Variants in RBFOX1 observed in about 807,000 individuals in gnomAD.
RBFOX1 encodes the protein RNA binding fox-1 homolog 1.
RBFOX1 carries 8 observed loss-of-function variants against 57.7 expected under a neutral mutation model. The observed-to-expected ratio is 0.14, with a 90% CI of 0.08 to 0.25. The LOEUF (loss-of-function observed/expected upper bound fraction) is 0.25. Ranked by LOEUF, RBFOX1 falls within the 10% of genes least tolerant of loss-of-function variation. RBFOX1 has a pLI of 1.00. For synonymous variants in RBFOX1, 326 were observed against 222.4 expected, an observed-to-expected ratio of 1.47 and a Z score of -4.15; for missense variants, 611 against 548.5, an observed-to-expected ratio of 1.11 and a Z score of -1.14.
At chr16:6,324,403 G>A (rs887231337) in intron 2 of RBFOX1, among the ~76,000 whole-genome samples, 2 of 152,296 alleles carry the variant, frequency 1.3e-5, no homozygotes, top group African/African-American at 2.4e-5. Context: ...CAGAGCCACA[G>A]GCTGTACAGG....
chr16:6,355,289 C>T (rs955339344), intron 2 of RBFOX1, among the ~76,000 whole-genome samples: 2 of 152,114 alleles, frequency 1.3e-5, no homozygotes, highest in Non-Finnish European at 2.9e-5. Context: ...CCCCCAGCCC[C>T]CCAGCCCCTA....
chr16:6,541,388 T>C (rs544880683), intron 2 of RBFOX1, among the ~76,000 whole-genome samples: 1 of 152,294 alleles, frequency 6.6e-6, no homozygotes, highest in Non-Finnish European at 1.5e-5. Context: ...AAACAGAGGT[T>C]ATGGCAGTGA....
At chr16:7,446,903 C>G (rs62015753) in intron 4 of RBFOX1, among the ~76,000 whole-genome samples, 2 of 142,354 alleles carry the variant, frequency 1.4e-5, no homozygotes, top group African/African-American at 5.2e-5. Context: ...AACTCCACCT[C>G]CTGGGTTCAC....
chr16:6,107,230 G>T (rs1252116633), intron 1 of RBFOX1, among the ~76,000 whole-genome samples: 1 of 151,910 alleles, frequency 6.6e-6, no homozygotes, highest in East Asian at 1.9e-4. Context: ...TCATGGCCTG[G>T]TGACCCCCTA....
intron 3 of RBFOX1, among the ~76,000 whole-genome samples, chr16:6,765,548 G>T (rs973585916): frequency 5.9e-5 from 9 of 152,112 alleles, no homozygotes; most frequent in South Asian, 2.1e-4. Flanking sequence ...GAATGCTGGT[G>T]GGAATGTAAA....
chr16:5,245,107 G>A (rs2062264014), intron 1 of RBFOX1, among the ~76,000 whole-genome samples: 1 of 152,196 alleles, frequency 6.6e-6, no homozygotes, highest in Non-Finnish European at 1.5e-5. Flanking sequence ...CAGAACTCAA[G>A]GTACAGGATG....
At chr16:6,661,612 A>G (rs958247466) in intron 3 of RBFOX1, among the ~76,000 whole-genome samples, 64 of 152,288 alleles carry the variant, frequency 4.2e-4, no homozygotes, top group African/African-American at 1.5e-3. Flanking sequence ...CAGCAGGGGA[A>G]TAAGAACTGG....
Position 7,413,955 on chromosome 16 carries a change from A to T in RBFOX1, c.28-104192A>T, listed in dbSNP as rs9940168. Reference sequence around the variant, plus strand: ...AACAGCTCATTAGTAATTACTTTCCAAACTCCAAGGAGATGGTTCTCAGAT... The same window carrying T: ...AACAGCTCATTAGTAATTACTTTCCTAACTCCAAGGAGATGGTTCTCAGAT... On this transcript the variant is annotated intron_variant, in intron 4 of 15. Coordinates refer to ENST00000550418, the MANE Select transcript of RBFOX1 (RefSeq NM_018723.4). Among the ~76,000 whole-genome samples, 1,426 of 152,256 alleles carry T rather than the reference A, an allele frequency of 9.4e-3. 20 individuals are homozygous for T. Among genetic ancestry groups the T allele is most frequent in the African/African-American group, 0.031 (1,297 of 41,528 alleles).
At chr16:6,183,404 C>G (rs1361716252) in intron 1 of RBFOX1, among the ~76,000 whole-genome samples, 1 of 151,622 alleles carries the variant, frequency 6.6e-6, no homozygotes, top group Non-Finnish European at 1.5e-5. Context: ...AGCTTGAACT[C>G]GGGAGGTGGA....
At chr16:7,489,604 C>T (rs1184109221) in intron 4 of RBFOX1, among the ~76,000 whole-genome samples, 1 of 152,074 alleles carries the variant, frequency 6.6e-6, no homozygotes, top group African/African-American at 2.4e-5. Flanking sequence ...CAGCCTCGAA[C>T]TCCCGGACTC....
At chr16:5,689,183 A>T (rs996413947) in intron 3 of RBFOX1, among the ~76,000 whole-genome samples, 1 of 152,224 alleles carries the variant, frequency 6.6e-6, no homozygotes, top group Admixed American at 6.5e-5. Flanking sequence ...GAGGGCAGCC[A>T]CACAGGTGGT....
chr16:7,402,242 G>A (rs7195841), intron 4 of RBFOX1, among the ~76,000 whole-genome samples: 100,820 of 152,060 alleles, frequency 0.66, 33,661 homozygotes, highest in Admixed American at 0.74. Context: ...ACCTGTAAGG[G>A]AGGGTCAACT....
At chr16:5,710,547 A>G (rs2051447366) in intron 3 of RBFOX1, among the ~76,000 whole-genome samples, 1 of 152,170 alleles carries the variant, frequency 6.6e-6, no homozygotes. Flanking sequence ...GGTTCTCTCA[A>G]GGCAGCTTCC....
At chr16:5,871,903 T>C (rs998204622) in intron 4 of RBFOX1, among the ~76,000 whole-genome samples, 1 of 152,200 alleles carries the variant, frequency 6.6e-6, no homozygotes, top group Non-Finnish European at 1.5e-5. Flanking sequence ...ATATTACAGC[T>C]CTGCTATCCC....
At chr16:6,873,087 A>T (rs572938087) in intron 3 of RBFOX1, among the ~76,000 whole-genome samples, 1 of 151,780 alleles carries the variant, frequency 6.6e-6, no homozygotes, top group Non-Finnish European at 1.5e-5. Flanking sequence ...TGAAATATGT[A>T]CCTTGTATTT....
intron 1 of RBFOX1, among the ~76,000 whole-genome samples, chr16:6,244,951 G>T (rs1354197981): frequency 1.4e-5 from 2 of 146,916 alleles, no homozygotes; most frequent in African/African-American, 2.7e-5. Context: ...GTTTTGTTTT[G>T]TTTTGTTTTT....
At chr16:5,350,905 A>G (rs145912916) in intron 1 of RBFOX1, among the ~76,000 whole-genome samples, 3 of 114,672 alleles carry the variant, frequency 2.6e-5, no homozygotes, top group Non-Finnish European at 3.8e-5. Flanking sequence ...AATCATAATC[A>G]TAATGCATCT....
intron 1 of RBFOX1, among the ~76,000 whole-genome samples, chr16:6,057,604 C>T (rs2095630240): frequency 6.6e-6 from 1 of 152,058 alleles, no homozygotes; most frequent in Admixed American, 6.6e-5. Flanking sequence ...GACACTGAGC[C>T]AAGAATGCCG....
chr16:6,337,137 C>G (rs1238762307), intron 2 of RBFOX1, among the ~76,000 whole-genome samples: 1 of 152,098 alleles, frequency 6.6e-6, no homozygotes, highest in Admixed American at 6.5e-5. Context: ...TTATATTTAT[C>G]CATGTTATGA....
Sources: allele counts gnomAD v4.1 joint callset (sites outside exome capture counted in the v4.1 genomes callset), GRCh38; gene constraint gnomAD v4.1.1; transcripts MANE v1.5; gene names NCBI Gene and HGNC (gene_info 2026-07-23, HGNC 2026-07-21).